RYR2: variants seen among roughly 807,000 people sequenced by gnomAD.
The protein encoded by RYR2 is cardiac muscle ryanodine receptor-calcium release channel.
In RYR2, 227 loss-of-function variants were observed where a neutral mutation model predicts 601.1. The observed-to-expected ratio is 0.38, with a 90% CI of 0.34 to 0.42. RYR2 has a LOEUF of 0.42. Ranked by LOEUF, RYR2 falls within the 10% of genes least tolerant of loss-of-function variation. The pLI is 1.00. For missense variants in RYR2, 4,646 were observed against 6,156.5 expected (o/e 0.75, Z 8.21); for synonymous variants, 2,223 against 2,175.1 (o/e 1.02, Z -0.61).
intron 33 of RYR2, among the ~76,000 whole-genome samples, chr1:237,594,894 T>TGTTTTTGG (rs1334728750): frequency 1.1e-3 from 21 of 18,334 alleles, no homozygotes; most frequent in African/African-American, 1.8e-3. Context: ...GGGTTTTTTT[T>TGTTTTTGG]TTTTTTTTTT....
At chr1:237,385,841 G>T (rs1282813106) in intron 8 of RYR2, among the ~76,000 whole-genome samples, 3 of 152,166 alleles carry the variant, frequency 2.0e-5, no homozygotes, top group African/African-American at 7.2e-5. Flanking sequence ...CAGATGCTAG[G>T]AACACAGCTG....
At chr1:237,127,768 C>T (rs1269945452) in intron 1 of RYR2, among the ~76,000 whole-genome samples, 5 of 150,804 alleles carry the variant, frequency 3.3e-5, no homozygotes, top group African/African-American at 9.8e-5. Context: ...CAGAGGCGCT[C>T]CTCACATCCC....
intron 1 of RYR2, among the ~76,000 whole-genome samples, chr1:237,244,309 G>A (rs530858519): frequency 6.6e-6 from 1 of 152,262 alleles, no homozygotes; most frequent in East Asian, 1.9e-4. Flanking sequence ...TGATACGGGA[G>A]TTCAGAAGAA....
At chr1:237,364,461 A>G (rs1411422485) in intron 5 of RYR2, 89 bp downstream of exon 5, 2 of 631,708 alleles carry the variant, frequency 3.2e-6, no homozygotes, top group East Asian at 3.1e-5. Flanking sequence ...GCATATTAGT[A>G]TAGCTGTATT....
intron 1 of RYR2, among the ~76,000 whole-genome samples, chr1:237,072,508 A>C (rs1335704359): frequency 6.6e-6 from 1 of 152,138 alleles, no homozygotes; most frequent in African/African-American, 2.4e-5. Flanking sequence ...TCTTTAGTGC[A>C]CCAACCAGCA....
intron 46 of RYR2, among the ~76,000 whole-genome samples, chr1:237,639,467 G>A (rs1044048532): frequency 6.6e-6 from 1 of 152,166 alleles, no homozygotes; most frequent in Non-Finnish European, 1.5e-5. Flanking sequence ...ATTTTCCTAG[G>A]GGAGCTAGGG....
Position 237,590,848 on chromosome 1 carries a change from C to T in RYR2, c.4016C>T (p.Ala1339Val), listed in dbSNP as rs1675077624. 1.2e-6 allele frequency: 2 copies of T among 1,613,824 alleles called. No homozygotes were observed. Among genetic ancestry groups the T allele is most frequent in the Non-Finnish European group, 1.7e-6 (2 of 1,179,860 alleles). Residue 1339 changes from alanine (A) to valine (V), a missense_variant, in exon 31 of 105, where the codon GCT becomes GTT. Around this residue, in one of 17 missense-constraint regions of RYR2, gnomAD observed 1,807 missense variants for 2,088.1 expected, o/e 0.87. Coordinates refer to ENST00000366574, the MANE Select transcript of RYR2 (RefSeq NM_001035.3). ...AAGAATGACTTGGAAGATTATGATG[C>T]TGATTCTGACTTTGAGGTTCTGATG... is the stretch of plus-strand genomic sequence containing the variant. ...GPKNDLEDYD[A>V]DSDFEVLMKT...
At chr1:237,162,623 A>G (rs1676152938) in intron 1 of RYR2, among the ~76,000 whole-genome samples, 2 of 152,260 alleles carry the variant, frequency 1.3e-5, no homozygotes, top group East Asian at 3.9e-4. Context: ...ACAGCACCCC[A>G]AAATATGATT....
Position 237,666,562 on chromosome 1 carries a change from C to G in RYR2, c.8487C>G (p.Ser2829Arg). Reference protein sequence around the residue: ...HGYSPRAIDMSNVTLSRDLHA... With the variant: ...HGYSPRAIDMRNVTLSRDLHA... Reference sequence around the variant, plus strand: ...ACAGTCCCCGGGCCATTGACATGAGCAATGTTACACTATCTAGAGACCTGC... The same window carrying G: ...ACAGTCCCCGGGCCATTGACATGAGGAATGTTACACTATCTAGAGACCTGC... Residue 2829 changes from serine (S) to arginine (R), a missense_variant, in exon 57 of 105, where the codon AGC becomes AGG. This residue lies in a region of RYR2 where 1,497 missense variants were observed against 1,842.6 expected (regional missense o/e 0.81). Coordinates refer to ENST00000366574, the MANE Select transcript of RYR2 (RefSeq NM_001035.3). 6.2e-7 allele frequency: 1 copy of G among 1,612,536 alleles called. No homozygotes were observed.
rs1051101955 is a variant in RYR2 at position 237,170,283 on chromosome 1, G to T, written c.49-100214G>T. Among the ~76,000 whole-genome samples, 11 of 152,316 alleles carry T rather than the reference G, an allele frequency of 7.2e-5. 1 individual carries two copies. In the East Asian group the frequency reaches 2.1e-3, roughly 29 times the overall value. The stretch of plus-strand genomic sequence containing the variant: ...CCTGCCCTGGAAACTTCTAGGGGGA[G>T]AGCATTCAAAGCAGAGAAGCAGCAA... On this transcript the variant is annotated intron_variant, in intron 1 of 104. Coordinates refer to ENST00000366574, the MANE Select transcript of RYR2 (RefSeq NM_001035.3).
chr1:237,771,989 TAAC>T lies in RYR2; in HGVS notation c.11558-21_11558-19del. 7.4e-7 allele frequency: 1 copy of T among 1,349,128 alleles called. No homozygotes were observed. Among genetic ancestry groups the T allele is most frequent in the Middle Eastern group, 1.8e-4 (1 of 5,596 alleles). 83.6% of individuals were successfully genotyped at this position (1,349,128 alleles called of 1,614,324 possible). On this transcript the variant is annotated intron_variant, in intron 85 of 104. Coordinates refer to ENST00000366574, the MANE Select transcript of RYR2 (RefSeq NM_001035.3). The stretch of plus-strand genomic sequence containing the variant: ...ACTTGAACTTCTGAGCAAGCATTAA[TAAC>T]ATTTTTTTATCTTGCATAGATTTTC...
At chr1:237,267,789 T>C (rs1180516983) in intron 1 of RYR2, among the ~76,000 whole-genome samples, 1 of 152,178 alleles carries the variant, frequency 6.6e-6, no homozygotes, top group African/African-American at 2.4e-5. Flanking sequence ...CAATTGAGTC[T>C]CTAGAAGCAG....
intron 12 of RYR2, among the ~76,000 whole-genome samples, chr1:237,424,382 T>C (rs1339861735): frequency 6.6e-6 from 1 of 152,190 alleles, no homozygotes; most frequent in African/African-American, 2.4e-5. Context: ...TCAGGGCTCA[T>C]TGAAAAGAAA....
rs765196007 is a variant in RYR2, at chr1:237,643,395, A to G, written c.7290A>G (p.Gly2430=). The G allele has an allele frequency of 1.1e-5, 18 of 1,613,618 alleles. No individual in the cohort carries two copies. The East Asian group carries it at 3.8e-4, about 34-fold the overall frequency. ...TTTTGAGATCCCTCATTCCCCTGGG[A>G]GATTTGGTGGGCGTTATCAGCATCG... is the stretch of plus-strand genomic sequence containing the variant. ...RSILRSLIPL[G]DLVGVISIAF... Residue 2430 remains glycine (G), a synonymous_variant, in exon 48 of 105, where the codon GGA becomes GGG. Coordinates refer to ENST00000366574, the MANE Select transcript of RYR2 (RefSeq NM_001035.3).
chr1:237,289,609 C>T (rs747975640), intron 2 of RYR2, among the ~76,000 whole-genome samples: 2 of 152,028 alleles, frequency 1.3e-5, no homozygotes, highest in African/African-American at 2.4e-5. Flanking sequence ...GGGTAACCAT[C>T]ACCATGATTC....
In RYR2 at chr1:237,610,826, C is replaced by T. The variant is rs1421328710; in HGVS notation, c.4748C>T (p.Pro1583Leu). 3.1e-6 allele frequency: 5 copies of T among 1,612,312 alleles called. No homozygotes were observed. Among genetic ancestry groups the T allele is most frequent in the South Asian group, 1.1e-5 (1 of 90,628 alleles). ...CACAAGAACCCCGTGCCGCAGTGCCCCCCGCGCCTCCACGTGCAGTTCCTG... is the reference window on the plus strand; with the variant it reads ...CACAAGAACCCCGTGCCGCAGTGCCTCCCGCGCCTCCACGTGCAGTTCCTG... ...SEHKNPVPQC[P>L]PRLHVQFLSH... is the part of the protein sequence containing the mutation. Residue 1583 changes from proline (P) to leucine (L), a missense_variant, in exon 36 of 105, where the codon CCC (proline) becomes CTC (leucine). Physicochemically the swap from Pro to Leu is moderately conservative, Grantham distance 98. This residue lies in a region of RYR2 where 1,807 missense variants were observed against 2,088.1 expected (regional missense o/e 0.87). Coordinates refer to ENST00000366574, the MANE Select transcript of RYR2 (RefSeq NM_001035.3). This position sits in a 1 kb window ranked among gnomAD's most constrained non-coding sequence, Gnocchi z 4.9.
intron 2 of RYR2, among the ~76,000 whole-genome samples, chr1:237,306,854 T>A (rs923850346): frequency 2.9e-4 from 44 of 152,186 alleles, no homozygotes; most frequent in African/African-American, 1.1e-3. Flanking sequence ...TCAAGCCTTA[T>A]TTGGGCCTTC....
intron 97 of RYR2, among the ~76,000 whole-genome samples, chr1:237,798,903 C>T (rs1470682491): frequency 6.6e-6 from 1 of 151,964 alleles, no homozygotes; most frequent in Admixed American, 6.6e-5. Flanking sequence ...AACGTAATTG[C>T]TTATTGTAGT....
chr1:237,057,296 C>G (rs561227852), intron 1 of RYR2, among the ~76,000 whole-genome samples: 1 of 152,232 alleles, frequency 6.6e-6, no homozygotes, highest in East Asian at 1.9e-4. Context: ...AGCGATTCTT[C>G]TGCCTCAGCC....
Sources: allele counts gnomAD v4.1 joint callset (sites outside exome capture counted in the v4.1 genomes callset), GRCh38; gene constraint gnomAD v4.1.1; regional missense constraint gnomAD v4.1.1; non-coding constraint Gnocchi (gnomAD v3.1); transcripts MANE v1.5; gene names NCBI Gene and HGNC (gene_info 2026-07-23, HGNC 2026-07-21).